KCNH8: variants seen among roughly 807,000 people sequenced by gnomAD.
The protein encoded by KCNH8 is potassium voltage-gated channel subfamily H member 8.
A neutral mutation model predicts 103.6 loss-of-function variants in KCNH8; 70 were observed. The ratio of observed to expected loss-of-function variants is 0.68; its 90% CI spans 0.56 to 0.82. The LOEUF (loss-of-function observed/expected upper bound fraction) is 0.82, where lower values mean the gene tolerates loss of function less well. Ranked by LOEUF, KCNH8 falls within the 40% of genes least tolerant of loss-of-function variation. KCNH8 has a pLI of 0.00. For missense variants in KCNH8, 1,217 were observed against 1,329.9 expected (o/e 0.92, Z 1.32); for synonymous variants, 498 against 489.4 (o/e 1.02, Z -0.23).
chr3:19,467,986 G>A (rs2067778002), intron 11 of KCNH8, among the ~76,000 whole-genome samples: 1 of 151,948 alleles, frequency 6.6e-6, no homozygotes, highest in African/African-American at 2.4e-5. Context: ...TGCTGCCTCA[G>A]GGCCTTTGCA....
intron 5 of KCNH8, among the ~76,000 whole-genome samples, chr3:19,348,732 A>G (rs2065760804): frequency 6.6e-6 from 1 of 152,050 alleles, no homozygotes; most frequent in Admixed American, 6.6e-5. Flanking sequence ...TTCCTTGGTC[A>G]TGGTGATAGA....
intron 11 of KCNH8, among the ~76,000 whole-genome samples, chr3:19,509,822 C>G (rs1292426898): frequency 6.6e-6 from 1 of 151,980 alleles, no homozygotes; most frequent in Non-Finnish European, 1.5e-5. Flanking sequence ...ACAAGTGGAA[C>G]AGAAAGGATA....
chr3:19,434,294 A>G (rs377095615), intron 7 of KCNH8, among the ~76,000 whole-genome samples: 17 of 152,262 alleles, frequency 1.1e-4, no homozygotes, highest in African/African-American at 3.9e-4. Flanking sequence ...TTTAAGAGCA[A>G]TAGAGATGAA....
intron 7 of KCNH8, among the ~76,000 whole-genome samples, chr3:19,412,780 T>C (rs2066801324): frequency 6.6e-6 from 1 of 151,932 alleles, no homozygotes; most frequent in Non-Finnish European, 1.5e-5. Context: ...TAAAAAATGC[T>C]CAATATCACT....
Position 19,438,454 on chromosome 3 carries a change from A to G in KCNH8, c.1375+93A>G, listed in dbSNP as rs2067233023. On this transcript the variant is annotated intron_variant, in intron 8 of 15. Coordinates refer to ENST00000328405, the MANE Select transcript of KCNH8 (RefSeq NM_144633.3). Reference sequence around the variant, plus strand: ...TTCTGTCCTGAAATACAAAACAGATAAACTGATTAACACTGGAAGATTCTA... The same window carrying G: ...TTCTGTCCTGAAATACAAAACAGATGAACTGATTAACACTGGAAGATTCTA... The G allele has an allele frequency of 1.6e-5, 16 of 1,015,134 alleles. No individual in the cohort carries two copies. In the South Asian group the frequency reaches 2.0e-4, roughly 13 times the overall value. The allele number at this position is 1,015,134 out of a possible 1,614,324, so 62.9% of individuals were successfully genotyped here.
chr3:19,282,084 G>A (rs907742159), intron 3 of KCNH8, among the ~76,000 whole-genome samples: 1 of 152,050 alleles, frequency 6.6e-6, no homozygotes, highest in Non-Finnish European at 1.5e-5. Flanking sequence ...TTTAGAATCA[G>A]CTACTTGACA....
intron 8 of KCNH8, chr3:19,449,151 G>A: frequency 3.4e-6 from 1 of 293,614 alleles, no homozygotes; most frequent in Admixed American, 3.6e-5. Context: ...ATCTCCATAT[G>A]CCCTCAAATT....
intron 11 of KCNH8, among the ~76,000 whole-genome samples, chr3:19,481,686 G>C (rs1196567016): frequency 1.3e-5 from 2 of 152,198 alleles, no homozygotes; most frequent in African/African-American, 4.8e-5. Context: ...CAGTGCTTGA[G>C]CAACCTTGCA....
intron 2 of KCNH8, among the ~76,000 whole-genome samples, chr3:19,258,024 A>C (rs115363636): frequency 6.6e-6 from 1 of 151,910 alleles, no homozygotes; most frequent in African/African-American, 2.4e-5. Flanking sequence ...TCTGTGTCCA[A>C]ATTTTCCCTT....
intron 5 of KCNH8, among the ~76,000 whole-genome samples, chr3:19,368,721 G>A (rs774911574): frequency 2.1e-4 from 32 of 151,886 alleles, no homozygotes; most frequent in Non-Finnish European, 3.4e-4. Context: ...TTTATGCTGC[G>A]TATTTGAAAG....
rs1186499982 is a variant in KCNH8 at position 19,253,809 on chromosome 3, C to T, written c.232C>T (p.Gln78Ter). The T allele has an allele frequency of 6.2e-7, 1 of 1,613,650 alleles. No homozygotes were observed. The highest frequency in any genetic ancestry group is 8.5e-7 in the Non-Finnish European group (1 of 1,179,866). ...CTTATTTGGGGTTGAAACCAATGAG[C>T]AACTGATGCTTCAAATAGAAAAGTC... ...KFLFGVETNEQLMLQIEKSLE... is the reference protein window; with the variant it reads ...KFLFGVETNE The change falls in exon 2 of 16, where the codon CAA becomes TAA. Residue 78 changes from glutamine (Q) to a stop codon, truncating the protein, a stop_gained. Transcript: ENST00000328405. LOFTEE classifies it high-confidence loss of function.
intron 5 of KCNH8, among the ~76,000 whole-genome samples, chr3:19,357,953 A>G (rs2065900413): frequency 6.6e-6 from 1 of 151,928 alleles, no homozygotes; most frequent in African/African-American, 2.4e-5. Flanking sequence ...TAAAAAATAC[A>G]TATACTCCAT....
intron 1 of KCNH8, among the ~76,000 whole-genome samples, chr3:19,174,884 T>C (rs1015542195): frequency 1.1e-4 from 16 of 152,350 alleles, no homozygotes; most frequent in Non-Finnish European, 1.6e-4. Context: ...ATGGTTGTTT[T>C]GTTTCTGTTA....
At chr3:19,291,784 A>G (rs2064930894) in intron 3 of KCNH8, among the ~76,000 whole-genome samples, 2 of 152,238 alleles carry the variant, frequency 1.3e-5, no homozygotes, top group South Asian at 2.1e-4. Context: ...GCTGAGTTCA[A>G]TTCCTGGATA....
At chr3:19,151,851 A>G (rs1166591438) in intron 1 of KCNH8, among the ~76,000 whole-genome samples, 1 of 152,024 alleles carries the variant, frequency 6.6e-6, no homozygotes, top group Non-Finnish European at 1.5e-5. Flanking sequence ...ACCATTATTG[A>G]AAAATAAAAA....
At chr3:19,230,035 G>A (rs965079550) in intron 1 of KCNH8, among the ~76,000 whole-genome samples, 5 of 152,178 alleles carry the variant, frequency 3.3e-5, no homozygotes, top group African/African-American at 1.2e-4. Flanking sequence ...AAGGTGAAAG[G>A]CTCTTCTTAC....
At chr3:19,466,930 G>T (rs1575100338) in intron 11 of KCNH8, among the ~76,000 whole-genome samples, 1 of 152,026 alleles carries the variant, frequency 6.6e-6, no homozygotes, top group South Asian at 2.1e-4. Flanking sequence ...CAAAGTACTG[G>T]GATTACAGGC....
chr3:19,224,347 GC>G lies in KCNH8; in HGVS notation c.77-29305del, dbSNP rs993666519. 2.6e-5 allele frequency among the ~76,000 whole-genome samples: 4 copies of G among 152,076 alleles called. No individual in the cohort carries two copies. In the East Asian group the frequency reaches 7.7e-4, roughly 29 times the overall value. ...GTAATCTATTAAAAGTTGCCATGAA[GC>G]CTGTGGGAAATTAGTCTAGTGATGG... On this transcript the variant is annotated intron_variant, in intron 1 of 15. Coordinates refer to ENST00000328405, the MANE Select transcript of KCNH8 (RefSeq NM_144633.3).
intron 11 of KCNH8, among the ~76,000 whole-genome samples, chr3:19,501,071 A>G (rs1482262466): frequency 5.3e-5 from 8 of 152,136 alleles, no homozygotes; most frequent in Non-Finnish European, 8.8e-5. Context: ...TCAAATAGAC[A>G]CAATAAAAAA....
Sources: allele counts gnomAD v4.1 joint callset (sites outside exome capture counted in the v4.1 genomes callset), GRCh38; gene constraint gnomAD v4.1.1; transcripts MANE v1.5; gene names NCBI Gene and HGNC (gene_info 2026-07-23, HGNC 2026-07-21).